GIPC2: variants seen among roughly 807,000 people sequenced by gnomAD.
The protein encoded by GIPC2 is PDZ domain-containing protein GIPC2.
In GIPC2, 30 loss-of-function variants were observed where a neutral mutation model predicts 30.6. That is an observed-to-expected ratio of 0.98 (90% CI 0.73 to 1.33). The LOEUF (loss-of-function observed/expected upper bound fraction) is 1.33, where lower values mean the gene tolerates loss of function less well. Ranked by LOEUF, GIPC2 falls within the 40% of genes most tolerant of loss-of-function variation. The pLI is 0.00. For synonymous variants in GIPC2, 167 were observed against 150.0 expected (o/e 1.11, Z -0.83); for missense variants, 414 against 390.3 (o/e 1.06, Z -0.51).
In GIPC2 at chr1:78,097,090, C is replaced by G. The variant is rs575378926; in HGVS notation, c.607+1958C>G. On this transcript the variant is annotated intron_variant, in intron 3 of 5. Transcript: ENST00000370759. Reference sequence around the variant, plus strand: ...TTTGTTTTTCATCCTTTGGCTTCGTCCCAGTGCTTAGCTCTTTGCCAGAGA... The same window carrying G: ...TTTGTTTTTCATCCTTTGGCTTCGTGCCAGTGCTTAGCTCTTTGCCAGAGA... Among the ~76,000 whole-genome samples the G allele has an allele frequency of 2.0e-5, 3 of 152,264 alleles. No individual in the cohort carries two copies. The South Asian group carries it at 6.2e-4, about 31-fold the overall frequency.
upstream of GIPC2, among the ~76,000 whole-genome samples, chr1:78,045,310 C>T (rs1352808921): frequency 3.9e-5 from 6 of 152,138 alleles, no homozygotes; most frequent in African/African-American, 2.4e-5. Context: ...GGGGACTGGA[C>T]TTGAAAACAA....
intron 1 of GIPC2, among the ~76,000 whole-genome samples, chr1:78,056,432 T>G (rs1049005759): frequency 2.6e-4 from 40 of 152,026 alleles, no homozygotes; most frequent in African/African-American, 8.0e-4. Context: ...GAGCTGAGAT[T>G]GCACCAGTGT....
intron 4 of GIPC2, among the ~76,000 whole-genome samples, chr1:78,122,913 A>G (rs1339673430): frequency 6.6e-6 from 1 of 152,142 alleles, no homozygotes; most frequent in Non-Finnish European, 1.5e-5. Context: ...TGCAGGATAC[A>G]CAGTGTCACA....
At chr1:78,116,512 C>A (rs1009207721) in intron 3 of GIPC2, among the ~76,000 whole-genome samples, 12 of 152,174 alleles carry the variant, frequency 7.9e-5, no homozygotes, top group East Asian at 7.7e-4. Context: ...CGCCTCCCCC[C>A]ACTCCACAAC....
chr1:78,093,167 A>G (rs1311127475), intron 2 of GIPC2, among the ~76,000 whole-genome samples: 1 of 152,218 alleles, frequency 6.6e-6, no homozygotes, highest in Non-Finnish European at 1.5e-5. Flanking sequence ...AAATCAAAGT[A>G]TAGATTATTG....
At chr1:78,047,487 A>T (rs1238096342) in intron 1 of GIPC2, among the ~76,000 whole-genome samples, 7 of 152,170 alleles carry the variant, frequency 4.6e-5, no homozygotes, top group African/African-American at 1.7e-4. Flanking sequence ...ATTTGTATTG[A>T]TATAGGATAC....
At chr1:78,082,120 A>G (rs1661842285) in intron 2 of GIPC2, among the ~76,000 whole-genome samples, 1 of 152,114 alleles carries the variant, frequency 6.6e-6, no homozygotes, top group African/African-American at 2.4e-5. Context: ...AGATCCATGG[A>G]TAGGTACTAT....
At chr1:78,091,703 A>G in intron 2 of GIPC2, 1 of 774,120 alleles carries the variant, frequency 1.3e-6, no homozygotes, top group Non-Finnish European at 2.4e-6. Context: ...GACCCTAGAA[A>G]GCACATATTT....
At chr1:78,110,515 A>G (rs529858623) in intron 3 of GIPC2, among the ~76,000 whole-genome samples, 3 of 152,358 alleles carry the variant, frequency 2.0e-5, no homozygotes, top group Non-Finnish European at 2.9e-5. Flanking sequence ...CTTAATGCCA[A>G]AGTCCTTTGC....
chr1:78,120,218 C>T (rs1662653607), intron 4 of GIPC2, among the ~76,000 whole-genome samples: 1 of 152,210 alleles, frequency 6.6e-6, no homozygotes, highest in African/African-American at 2.4e-5. Flanking sequence ...TGACCGAACT[C>T]CGTATTTCTT....
chr1:78,119,499 G>C lies in GIPC2; in HGVS notation c.714G>C (p.Met238Ile), dbSNP rs1662639271. The change falls in exon 4 of 6, where the codon ATG becomes ATC. Residue 238 changes from methionine (M) to isoleucine (I), a missense_variant and splice_region_variant. Physicochemically the swap from Met to Ile is conservative, Grantham distance 10. Transcript: ENST00000370759. ...RSKGPATVEE[M>I]PSETKAKAIE... ...AAGGTCCTGCCACCGTGGAAGAAAT[G>C]GTATGTTATGTTCATTTACTTCCTG... 6.4e-7 allele frequency: 1 copy of C among 1,558,282 alleles called. No individual in the cohort carries two copies. Among genetic ancestry groups the C allele is most frequent in the African/African-American group, 1.4e-5 (1 of 73,728 alleles).
At chr1:78,087,070 C>A (rs1183455355) in intron 2 of GIPC2, among the ~76,000 whole-genome samples, 2 of 152,006 alleles carry the variant, frequency 1.3e-5, no homozygotes, top group Non-Finnish European at 2.9e-5. Flanking sequence ...TTAGCTGGTA[C>A]AGTGCTCAGA....
intron 3 of GIPC2, among the ~76,000 whole-genome samples, chr1:78,115,170 A>AT (rs1557547720): frequency 6.6e-6 from 1 of 151,202 alleles, no homozygotes; most frequent in African/African-American, 2.4e-5. Context: ...AAACCTTTTT[A>AT]TTTTTATTTT....
Position 78,046,085 on chromosome 1 carries a change from G to A in GIPC2, c.-10G>A. 6.9e-7 allele frequency: 1 copy of A among 1,438,988 alleles called. No homozygotes were observed. The highest frequency in any genetic ancestry group is 9.1e-7 in the Non-Finnish European group (1 of 1,100,578). The allele number at this position is 1,438,988 out of a possible 1,614,324, so 89.1% of individuals were successfully genotyped here. Reference sequence around the variant, plus strand: ...CAGCGCAGGTGGGCCCGCGCTCTCGGCCCTGCAAGATGCCCCTGAAGCTGC... The same window carrying A: ...CAGCGCAGGTGGGCCCGCGCTCTCGACCCTGCAAGATGCCCCTGAAGCTGC... On this transcript the variant is annotated 5_prime_UTR_variant, in exon 1 of 6. Transcript: ENST00000370759.
chr1:78,073,775 T>C (rs1284114146), intron 1 of GIPC2, among the ~76,000 whole-genome samples: 1 of 152,206 alleles, frequency 6.6e-6, no homozygotes, highest in African/African-American at 2.4e-5. Context: ...GAAACACTAA[T>C]GACAAATAAT....
intron 2 of GIPC2, among the ~76,000 whole-genome samples, chr1:78,094,229 ATTC>A (rs1662095913): frequency 6.6e-6 from 1 of 152,224 alleles, no homozygotes. Flanking sequence ...CTCAAGCTCT[ATTC>A]TTATGTGATG....
chr1:78,098,673 C>T (rs1293918316), intron 3 of GIPC2, among the ~76,000 whole-genome samples: 1 of 151,548 alleles, frequency 6.6e-6, no homozygotes, highest in African/African-American at 2.4e-5. Flanking sequence ...CTAATCTTCA[C>T]TACCTTAGAA....
Position 78,136,563 on chromosome 1 carries a change from A to G in GIPC2, c.*820A>G, listed in dbSNP as rs1273173051. On this transcript the variant is annotated 3_prime_UTR_variant, in exon 6 of 6. Transcript: ENST00000370759. The stretch of plus-strand genomic sequence containing the variant: ...CAGGGAAGATTTTATATTTTTTTGT[A>G]GAGTTTTTGGAAAGATATTTACTCA... 1 of 139,950 alleles carries G rather than the reference A, an allele frequency of 7.1e-6. No individual in the cohort carries two copies. Among genetic ancestry groups the G allele is most frequent in the Admixed American group, 7.1e-5 (1 of 14,000 alleles). 8.7% of individuals were successfully genotyped at this position (139,950 alleles called of 1,614,324 possible).
At chr1:78,125,751 T>C in intron 4 of GIPC2, 130 bp from the exon 5 acceptor site, 1 of 611,426 alleles carries the variant, frequency 1.6e-6, no homozygotes, top group Non-Finnish European at 3.0e-6. Context: ...ACATTCTAGA[T>C]CTATTTCCAT....
Sources: allele counts gnomAD v4.1 joint callset (sites outside exome capture counted in the v4.1 genomes callset), GRCh38; gene constraint gnomAD v4.1.1; transcripts MANE v1.5; gene names NCBI Gene and HGNC (gene_info 2026-07-23, HGNC 2026-07-21).